Variants in CDKN2B-AS1 observed in about 807,000 individuals in gnomAD.
CDKN2B-AS1 encodes the protein CDKN2B and CDKN2A antisense cis and trans regulatory RNA 1.
In CDKN2B-AS1 at chr9:21,999,133, A is replaced by G. The variant is rs1236463291; in HGVS notation, n.29+3972A>G. Among the ~76,000 whole-genome samples the G allele has an allele frequency of 6.6e-6, 1 of 152,170 alleles. No individual in the cohort carries two copies. Among genetic ancestry groups the G allele is most frequent in the Non-Finnish European group, 1.5e-5 (1 of 68,004 alleles). On this transcript the variant is annotated intron_variant and non_coding_transcript_variant, in intron 1 of 4. Transcript: ENST00000650946. The surrounding 1 kb of genome is among the most constrained non-coding windows in gnomAD (Gnocchi z 4.7). ...AGACTACTTTGACAAAGTTGTCAGGAAACAATCACTCTTACTATTACAACT... is the reference window on the plus strand; with the variant it reads ...AGACTACTTTGACAAAGTTGTCAGGGAACAATCACTCTTACTATTACAACT...
intron 4 of CDKN2B-AS1, among the ~76,000 whole-genome samples, chr9:22,071,362 C>G (rs910439943): frequency 3.7e-5 from 5 of 136,096 alleles, no homozygotes; most frequent in Admixed American, 8.1e-5. Context: ...TGCAGTTGCG[C>G]GATCTTGGCT....
chr9:22,077,744 G>C (rs1426532262), intron 4 of CDKN2B-AS1: 1 of 152,194 alleles, frequency 6.6e-6, no homozygotes, highest in East Asian at 1.9e-4. Flanking sequence ...CAAAAACACA[G>C]ATAGCTTCAT....
intron 4 of CDKN2B-AS1, among the ~76,000 whole-genome samples, chr9:22,087,331 G>T (rs559205718): frequency 6.6e-6 from 1 of 152,288 alleles, no homozygotes; most frequent in African/African-American, 2.4e-5. Context: ...ACAAGTCTGA[G>T]GATACAATTA....
chr9:22,080,840 G>C (rs1035667360), intron 4 of CDKN2B-AS1, among the ~76,000 whole-genome samples: 1 of 152,178 alleles, frequency 6.6e-6, no homozygotes, highest in African/African-American at 2.4e-5. Flanking sequence ...TAGGAGGGTG[G>C]GCTGAGCCAG....
chr9:22,048,568 T>C (rs555515351), intron 2 of CDKN2B-AS1, among the ~76,000 whole-genome samples: 17 of 152,328 alleles, frequency 1.1e-4, no homozygotes, highest in South Asian at 2.1e-4. Context: ...TCAGGTCTTT[T>C]AGAGTTAAAT....
At position 22,072,055 on chromosome 9, in the gene CDKN2B-AS1, G is replaced by A. The variant is rs139692101; in HGVS notation, n.438+15668G>A. 9.8e-5 allele frequency among the ~76,000 whole-genome samples: 15 copies of A among 152,310 alleles called. No individual in the cohort carries two copies. The East Asian group carries it at 2.9e-3, about 29-fold the overall frequency. On this transcript the variant is annotated intron_variant and non_coding_transcript_variant, in intron 4 of 4. Coordinates refer to ENST00000650946, the Ensembl canonical transcript of CDKN2B-AS1. The stretch of plus-strand genomic sequence containing the variant: ...CAGGGGAAAGTCCTGAGCAGTGCAG[G>A]TGGATTAAGAACTAAATATGCCTAC...
chr9:22,091,413 T>A (rs1278642008), intron 4 of CDKN2B-AS1, among the ~76,000 whole-genome samples: 1 of 152,246 alleles, frequency 6.6e-6, no homozygotes, highest in Non-Finnish European at 1.5e-5. Context: ...TAAATTACTT[T>A]GGGCAGTATG....
rs146303880 is a variant in CDKN2B-AS1 at position 22,111,715 on chromosome 9, T to C, written n.439-15388T>C. On this transcript the variant is annotated intron_variant and non_coding_transcript_variant, in intron 4 of 4. Coordinates refer to ENST00000650946, the Ensembl canonical transcript of CDKN2B-AS1. ...AATACCTAACACTTATAAATGCATT[T>C]AATTTCAGTGCCAATTAAAGAAATT... Among the ~76,000 whole-genome samples the C allele has an allele frequency of 1.4e-4, 21 of 152,266 alleles. No individual in the cohort carries two copies. The East Asian group carries it at 4.1e-3, about 29-fold the overall frequency.
At chr9:22,103,462 A>G (rs953114105) in intron 4 of CDKN2B-AS1, among the ~76,000 whole-genome samples, 11 of 152,096 alleles carry the variant, frequency 7.2e-5, no homozygotes, top group African/African-American at 2.4e-4. Context: ...GCATGCTGAC[A>G]TCAAGCTTCG....
chr9:22,094,969 G>T (rs567689510), intron 4 of CDKN2B-AS1, among the ~76,000 whole-genome samples: 3 of 144,430 alleles, frequency 2.1e-5, no homozygotes, highest in South Asian at 2.1e-4. Flanking sequence ...TTTGATGATG[G>T]TGACGTACAG....
intron 1 of CDKN2B-AS1, among the ~76,000 whole-genome samples, chr9:22,040,580 A>T (rs546332594): frequency 6.6e-6 from 1 of 152,012 alleles, no homozygotes; most frequent in African/African-American, 2.4e-5. Context: ...AGATGGTCAG[A>T]TTGTTCATGT....
chr9:22,091,362 A>G (rs1424562587), intron 4 of CDKN2B-AS1, among the ~76,000 whole-genome samples: 2 of 152,194 alleles, frequency 1.3e-5, no homozygotes, highest in East Asian at 3.8e-4. Context: ...AGTTCTGTGA[A>G]GAAAGTCATT....
intron 4 of CDKN2B-AS1, chr9:22,077,987 T>C (rs1021168769): frequency 6.6e-6 from 1 of 152,226 alleles, no homozygotes; most frequent in Admixed American, 6.5e-5. Context: ...CACTGCTTCA[T>C]ATTTTTAAGT....
Position 22,027,738 on chromosome 9 carries a change from T to C in CDKN2B-AS1, n.30-19013T>C, listed in dbSNP as rs144276234. ...TCCGTGACAAAGAGTAAAAGATTCC[T>C]GTTCATGGCTCTTACATTCCAGGAG... On this transcript the variant is annotated intron_variant and non_coding_transcript_variant, in intron 1 of 4. Coordinates refer to ENST00000650946, the Ensembl canonical transcript of CDKN2B-AS1. Among the ~76,000 whole-genome samples the C allele has an allele frequency of 8.1e-4, 123 of 152,334 alleles. 1 individual carries two copies. Among genetic ancestry groups the C allele is most frequent in the African/African-American group, 2.6e-3 (107 of 41,590 alleles).
intron 4 of CDKN2B-AS1, among the ~76,000 whole-genome samples, chr9:22,068,301 G>A (rs1824146452): frequency 6.6e-6 from 1 of 152,132 alleles, no homozygotes; most frequent in Non-Finnish European, 1.5e-5. Flanking sequence ...GGCAAACATT[G>A]AACATATAAT....
chr9:22,041,217 AAG>A (rs2131264404), intron 1 of CDKN2B-AS1, among the ~76,000 whole-genome samples: 1 of 152,166 alleles, frequency 6.6e-6, no homozygotes, highest in East Asian at 1.9e-4. Context: ...AGAAAAAGAA[AAG>A]AGAGAAAAAT....
chr9:22,091,386 G>A (rs1186156613), intron 4 of CDKN2B-AS1, among the ~76,000 whole-genome samples: 1 of 152,176 alleles, frequency 6.6e-6, no homozygotes, highest in African/African-American at 2.4e-5. Context: ...AGCTTGATGG[G>A]GATTGCATTG....
chr9:22,005,946 TAAG>T lies in CDKN2B-AS1; in HGVS notation n.29+10788_29+10790del. 8 of 1,596,126 alleles carry T rather than the reference TAAG, an allele frequency of 5.0e-6. No homozygotes were observed. Among genetic ancestry groups the T allele is most frequent in the Non-Finnish European group, 6.8e-6 (8 of 1,178,846 alleles). On this transcript the variant is annotated intron_variant and non_coding_transcript_variant, in intron 1 of 4. Coordinates refer to ENST00000650946, the Ensembl canonical transcript of CDKN2B-AS1. This position sits in a 1 kb window ranked among gnomAD's most constrained non-coding sequence, Gnocchi z 4.9. The stretch of plus-strand genomic sequence containing the variant: ...AGGTGGGTGGGGGTGGGAAATTGGG[TAAG>T]AAAATAAAGTCGTTGTGGGCGGCTG...
At position 22,005,849 on chromosome 9, in the gene CDKN2B-AS1, C is replaced by T. The variant is rs1447463462; in HGVS notation, n.29+10688C>T. 2.5e-6 allele frequency: 3 copies of T among 1,205,942 alleles called. No individual in the cohort carries two copies. Among genetic ancestry groups the T allele is most frequent in the Non-Finnish European group, 3.5e-6 (3 of 853,728 alleles). The allele number at this position is 1,205,942 out of a possible 1,614,324, so 74.7% of individuals were successfully genotyped here. On this transcript the variant is annotated intron_variant and non_coding_transcript_variant, in intron 1 of 4. Transcript: ENST00000650946. The surrounding 1 kb of genome is among the most constrained non-coding windows in gnomAD (Gnocchi z 4.9). Reference sequence around the variant, plus strand: ...GGTTATTCCCGGTCGGCTCCTCCTTCCTGTGAGTCTCAGACAGGCTTGCAG... The same window carrying T: ...GGTTATTCCCGGTCGGCTCCTCCTTTCTGTGAGTCTCAGACAGGCTTGCAG...
Sources: gnomAD v4.1 joint callset for allele counts (sites outside exome capture counted in the v4.1 genomes callset) on GRCh38, gnomAD v4.1.1 for gene constraint, Gnocchi (gnomAD v3.1) non-coding constraint, MANE v1.5 for transcripts, NCBI Gene and HGNC (gene_info 2026-07-23, HGNC 2026-07-21) for gene names.